The following MTPAP variants were observed in gnomAD, a reference collection of about 807,000 sequenced individuals.
MTPAP encodes mitochondrial poly(A) polymerase, also known as poly(A) RNA polymerase, mitochondrial.
A neutral mutation model predicts 48.7 loss-of-function variants in MTPAP; 23 were observed. That is an observed-to-expected ratio of 0.47 (90% CI 0.34 to 0.67). The LOEUF is 0.67. MTPAP is among the 30% of genes least tolerant of loss of function. MTPAP has a pLI of 0.01. For synonymous variants in MTPAP, 257 were observed against 254.1 expected, an observed-to-expected ratio of 1.01 and a Z score of -0.11; for missense variants, 614 against 694.3, an observed-to-expected ratio of 0.88 and a Z score of 1.30.
At chr10:30,315,708 A>G (rs1004814816) in intron 8 of MTPAP, among the ~76,000 whole-genome samples, 1 of 152,186 alleles carries the variant, frequency 6.6e-6, no homozygotes, top group African/African-American at 2.4e-5. Flanking sequence ...ACAGTATTAC[A>G]CTAAGTGAGG....
chr10:30,341,343 A>T, intron 2 of MTPAP, 125 bp downstream of exon 2: 1 of 1,196,792 alleles, frequency 8.4e-7, no homozygotes. Context: ...TAGATAAAGA[A>T]GATGCAGTAT....
chr10:30,339,929 C>A, intron 3 of MTPAP: 1 of 413,376 alleles, frequency 2.4e-6, no homozygotes, highest in South Asian at 2.4e-5. Flanking sequence ...CATTAGGAAC[C>A]ATATACAATC....
At chr10:30,340,025 G>GA in intron 3 of MTPAP, 2 of 593,668 alleles carry the variant, frequency 3.4e-6, no homozygotes, top group Non-Finnish European at 5.9e-6. Context: ...GACATTCTTA[G>GA]AAAGCTAGAA....
chr10:30,343,282 C>T (rs893966129), intron 1 of MTPAP, among the ~76,000 whole-genome samples: 2 of 151,546 alleles, frequency 1.3e-5, no homozygotes, highest in African/African-American at 4.9e-5. Context: ...GGCGTGGTGT[C>T]GTGTGTCTGC....
chr10:30,339,741 T>C (rs1049268843), intron 3 of MTPAP, among the ~76,000 whole-genome samples: 38 of 152,316 alleles, frequency 2.5e-4, no homozygotes, highest in African/African-American at 8.7e-4. Flanking sequence ...CATTTATTTA[T>C]AGAGATATTA....
chr10:30,323,905 G>C (rs1834544523), intron 5 of MTPAP, among the ~76,000 whole-genome samples: 1 of 152,206 alleles, frequency 6.6e-6, no homozygotes, highest in Non-Finnish European at 1.5e-5. Context: ...AAATGGCTGG[G>C]TACAGTAGCT....
At chr10:30,329,123 C>T (rs920773919) in intron 4 of MTPAP, among the ~76,000 whole-genome samples, 2 of 152,002 alleles carry the variant, frequency 1.3e-5, no homozygotes, top group African/African-American at 4.8e-5. Flanking sequence ...TGGTGCAAGC[C>T]TGTAATCCCA....
At chr10:30,334,576 A>C (rs961909360) in intron 4 of MTPAP, among the ~76,000 whole-genome samples, 1 of 151,940 alleles carries the variant, frequency 6.6e-6, no homozygotes, top group African/African-American at 2.4e-5. Context: ...CAGGAGAATC[A>C]CTTGAACCCA....
chr10:30,314,962 T>A (rs1160328998), intron 8 of MTPAP, among the ~76,000 whole-genome samples: 2 of 150,388 alleles, frequency 1.3e-5, no homozygotes, highest in Non-Finnish European at 3.0e-5. Context: ...ACATAAGCCA[T>A]TAGTCTATAT....
intron 6 of MTPAP, among the ~76,000 whole-genome samples, chr10:30,318,641 T>C (rs1017194312): frequency 6.6e-6 from 1 of 152,132 alleles, no homozygotes; most frequent in Non-Finnish European, 1.5e-5. Context: ...GTGGAGATTA[T>C]AAGAAAACAC....
intron 6 of MTPAP, among the ~76,000 whole-genome samples, chr10:30,318,838 C>T (rs1180124009): frequency 3.9e-5 from 6 of 152,058 alleles, no homozygotes; most frequent in African/African-American, 1.4e-4. Context: ...AGACAGCTAG[C>T]CCTAGAAAAG....
At chr10:30,344,894 G>A (rs1478035508) in intron 1 of MTPAP, among the ~76,000 whole-genome samples, 3 of 152,064 alleles carry the variant, frequency 2.0e-5, no homozygotes, top group Non-Finnish European at 4.4e-5. Flanking sequence ...AGTAGAGAAG[G>A]AGTTTCACCA....
intron 1 of MTPAP, among the ~76,000 whole-genome samples, chr10:30,342,614 T>C (rs960713701): frequency 3.3e-5 from 5 of 150,202 alleles, no homozygotes; most frequent in East Asian, 1.9e-4. Context: ...ACACACAAAA[T>C]TGTGCAAATT....
chr10:30,311,322 T>C lies in MTPAP; in HGVS notation c.*2287A>G, dbSNP rs1326637702. 2.9e-4 allele frequency: 44 copies of C among 152,314 alleles called. No homozygotes were observed. The highest frequency in any genetic ancestry group is 1.0e-4 in the Non-Finnish European group (7 of 68,028). The allele number at this position is 152,314 out of a possible 1,614,324, so 9.4% of individuals were successfully genotyped here. A position where few individuals can be genotyped will look rare whatever the true frequency, so the allele number is the denominator to read the frequency against. ...AAGGACACAGAATTCATTTGCTTCATAACAATGCTGAGTTTCTTAAAATAT... is the reference window on the plus strand; with the variant it reads ...AAGGACACAGAATTCATTTGCTTCACAACAATGCTGAGTTTCTTAAAATAT... On this transcript the variant is annotated 3_prime_UTR_variant, in exon 9 of 9. Coordinates refer to ENST00000263063, the MANE Select transcript of MTPAP (RefSeq NM_018109.4).
At chr10:30,339,617 G>T (rs1428112698) in intron 3 of MTPAP, among the ~76,000 whole-genome samples, 1 of 152,102 alleles carries the variant, frequency 6.6e-6, no homozygotes, top group African/African-American at 2.4e-5. Flanking sequence ...GAAAACTTCA[G>T]AAGAATGTGG....
At chr10:30,346,270 A>G (rs913438873) in intron 1 of MTPAP, among the ~76,000 whole-genome samples, 1 of 152,106 alleles carries the variant, frequency 6.6e-6, no homozygotes, top group African/African-American at 2.4e-5. Context: ...TAAAAATCCA[A>G]ATTTAAGGGG....
rs770905280 is a variant in MTPAP at position 30,313,258 on chromosome 10, T to C, written c.*351A>G. The C allele has an allele frequency of 4.3e-5, 11 of 254,522 alleles. No individual in the cohort carries two copies. The highest frequency in any genetic ancestry group is 7.6e-5 in the Non-Finnish European group (10 of 130,912). The allele number at this position is 254,522 out of a possible 1,614,324, so 15.8% of individuals were successfully genotyped here. A position where few individuals can be genotyped will look rare whatever the true frequency, so the allele number is the denominator to read the frequency against. ...TCTTTCACCCATTCCTTGTGGCTTA[T>C]GTTTATTTTCATTTTTTTTAGAGAT... On this transcript the variant is annotated 3_prime_UTR_variant, in exon 9 of 9. Transcript: ENST00000263063.
rs180951263 is a variant in MTPAP, at chr10:30,337,075, G to A, written c.556-48C>T. 19 of 1,448,368 alleles carry A rather than the reference G, an allele frequency of 1.3e-5. No homozygotes were observed. The African/African-American group carries it at 2.4e-4, about 18-fold the overall frequency. The allele number at this position is 1,448,368 out of a possible 1,614,324, so 89.7% of individuals were successfully genotyped here. ...ACAAAATAGAGAAAAAGTACAGGTC[G>A]CATAAAAAGTTACCATTTTACTTTC... is the stretch of plus-strand genomic sequence containing the variant. On this transcript the variant is annotated intron_variant, in intron 3 of 8. Coordinates refer to ENST00000263063, the MANE Select transcript of MTPAP (RefSeq NM_018109.4).
At position 30,349,246 on chromosome 10, in the gene MTPAP, G is replaced by A. The variant is rs1834906414; in HGVS notation, c.30C>T (p.Thr10=). The change falls in exon 1 of 9, where the codon ACC becomes ACT. Residue 10 remains threonine, a synonymous_variant. Transcript: ENST00000263063. MAVPGVGLL[T]RLNLCARRRT... ...TTCTCCGGGCACACAGGTTCAAACG[G>A]GTCAAGAGCCCCACGCCGGGAACCG... is the stretch of plus-strand genomic sequence containing the variant. 2 of 1,574,704 alleles carry A rather than the reference G, an allele frequency of 1.3e-6. No individual in the cohort carries two copies. The highest frequency in any genetic ancestry group is 2.7e-5 in the African/African-American group (2 of 73,118).
Sources: gnomAD v4.1 joint callset for allele counts (sites outside exome capture counted in the v4.1 genomes callset) on GRCh38, gnomAD v4.1.1 for gene constraint, MANE v1.5 for transcripts, NCBI Gene and HGNC (gene_info 2026-07-23, HGNC 2026-07-21) for gene names.